The following RBFOX1 variants were observed in gnomAD, a reference collection of about 807,000 sequenced individuals.
The protein encoded by RBFOX1 is RNA binding fox-1 homolog 1.
In RBFOX1, 8 loss-of-function variants were observed where a neutral mutation model predicts 57.7. The ratio of observed to expected loss-of-function variants is 0.14; its 90% CI spans 0.08 to 0.25. The LOEUF is 0.25. Among genes scored for constraint, RBFOX1 ranks in the 10% least tolerant of loss-of-function variants. The pLI, the probability that RBFOX1 is intolerant of heterozygous loss-of-function variation, is 1.00. For missense variants in RBFOX1, 611 were observed against 548.5 expected, an observed-to-expected ratio of 1.11 and a Z score of -1.14; for synonymous variants, 326 against 222.4, an observed-to-expected ratio of 1.47 and a Z score of -4.15.
intron 4 of RBFOX1, among the ~76,000 whole-genome samples, chr16:7,292,093 ATAAT>A (rs1267993420): frequency 5.2e-5 from 4 of 76,290 alleles, no homozygotes; most frequent in Non-Finnish European, 1.0e-4. Context: ...TGTATAATAT[ATAAT>A]ATATCATGTA....
At chr16:7,632,961 C>T (rs2061219692) in intron 11 of RBFOX1, among the ~76,000 whole-genome samples, 1 of 152,156 alleles carries the variant, frequency 6.6e-6, no homozygotes, top group Non-Finnish European at 1.5e-5. Flanking sequence ...ATTGGGGAAG[C>T]ATCTCTCACA....
chr16:5,911,798 G>A (rs1029448811), intron 4 of RBFOX1, among the ~76,000 whole-genome samples: 1 of 152,060 alleles, frequency 6.6e-6, no homozygotes, highest in African/African-American at 2.4e-5. Flanking sequence ...GAGGGGAAGG[G>A]GAGCTCTCTA....
chr16:6,556,068 G>A (rs2153892198), intron 2 of RBFOX1, among the ~76,000 whole-genome samples: 1 of 152,218 alleles, frequency 6.6e-6, no homozygotes, highest in Non-Finnish European at 1.5e-5. Context: ...AAACTCCCAT[G>A]GCCTTCAGAA....
chr16:7,572,731 C>A (rs565624830), intron 5 of RBFOX1, among the ~76,000 whole-genome samples: 4 of 151,784 alleles, frequency 2.6e-5, no homozygotes, highest in Admixed American at 2.6e-4. Flanking sequence ...CACAGCTACT[C>A]GGGAGGCTGA....
At chr16:7,055,535 AAGG>A (rs2051869370) in intron 4 of RBFOX1, among the ~76,000 whole-genome samples, 4 of 152,138 alleles carry the variant, frequency 2.6e-5, no homozygotes, top group Non-Finnish European at 2.9e-5. Flanking sequence ...CATCAGAAGG[AAGG>A]AGAAGAGGAG....
chr16:6,790,517 A>G (rs964174039), intron 3 of RBFOX1, among the ~76,000 whole-genome samples: 2 of 152,022 alleles, frequency 1.3e-5, no homozygotes. Flanking sequence ...TGTTTGCATC[A>G]TAGTTTGCAA....
chr16:6,481,773 C>T (rs919357539), intron 2 of RBFOX1, among the ~76,000 whole-genome samples: 5 of 152,072 alleles, frequency 3.3e-5, no homozygotes, highest in African/African-American at 9.7e-5. Context: ...TAAGGTTTTA[C>T]TTTATGGTTA....
intron 4 of RBFOX1, among the ~76,000 whole-genome samples, chr16:5,939,718 G>A (rs537662737): frequency 1.3e-5 from 2 of 152,294 alleles, no homozygotes; most frequent in African/African-American, 2.4e-5. Context: ...AAAAGTGTCA[G>A]CAAATCTGTG....
intron 2 of RBFOX1, among the ~76,000 whole-genome samples, chr16:6,431,888 G>GCTTTCTTTCTTT (rs1491171814): frequency 7.4e-4 from 81 of 109,898 alleles, no homozygotes; most frequent in African/African-American, 1.8e-3. Flanking sequence ...AAATATGCTT[G>GCTTTCTTTCTTT]CTTGCTTGCT....
chr16:7,015,474 G>A (rs890631437), intron 3 of RBFOX1, among the ~76,000 whole-genome samples: 2 of 152,160 alleles, frequency 1.3e-5, no homozygotes, highest in Non-Finnish European at 2.9e-5. Flanking sequence ...TTGCTCATCA[G>A]TGTTCAGACA....
At chr16:7,270,445 C>T (rs902649732) in intron 4 of RBFOX1, among the ~76,000 whole-genome samples, 1 of 152,156 alleles carries the variant, frequency 6.6e-6, no homozygotes, top group African/African-American at 2.4e-5. Context: ...CGGGCAGATT[C>T]AGACCTTATG....
intron 3 of RBFOX1, among the ~76,000 whole-genome samples, chr16:6,755,467 T>G (rs1217613841): frequency 1.4e-4 from 21 of 152,204 alleles, no homozygotes; most frequent in Admixed American, 1.2e-3. Flanking sequence ...TGGTGAGCAT[T>G]TTTTCATGTG....
At chr16:7,165,831 G>A (rs564371050) in intron 4 of RBFOX1, among the ~76,000 whole-genome samples, 1 of 151,902 alleles carries the variant, frequency 6.6e-6, no homozygotes, top group South Asian at 2.1e-4. Context: ...TGCTAGACCA[G>A]GAATGAAGAG....
At chr16:7,194,553 C>G (rs1602549138) in intron 4 of RBFOX1, among the ~76,000 whole-genome samples, 1 of 152,158 alleles carries the variant, frequency 6.6e-6, no homozygotes, top group Admixed American at 6.5e-5. Context: ...ATTACTAAAA[C>G]TCAATGCCTG....
chr16:5,768,656 A>ATC, intron 3 of RBFOX1, among the ~76,000 whole-genome samples: 1 of 152,264 alleles, frequency 6.6e-6, no homozygotes, highest in East Asian at 1.9e-4. Context: ...TTCCTCTTGC[A>ATC]TCTATTCCAC....
intron 1 of RBFOX1, among the ~76,000 whole-genome samples, chr16:6,065,831 A>G (rs774155927): frequency 6.6e-6 from 1 of 152,142 alleles, no homozygotes; most frequent in African/African-American, 2.4e-5. Flanking sequence ...CTTAGCTAAA[A>G]TCACTTAAAG....
chr16:6,480,888 A>G (rs1397665908), intron 2 of RBFOX1, among the ~76,000 whole-genome samples: 1 of 152,192 alleles, frequency 6.6e-6, no homozygotes, highest in Non-Finnish European at 1.5e-5. Flanking sequence ...TTTCACTGCT[A>G]TATGGTATTC....
rs571685021 is a variant in RBFOX1 at position 7,344,410 on chromosome 16, C to T, written c.28-173737C>T. Among the ~76,000 whole-genome samples the T allele has an allele frequency of 3.5e-4, 52 of 149,110 alleles. 1 individual carries two copies. The highest frequency in any genetic ancestry group is 1.3e-3 in the African/African-American group (52 of 40,816). ...ATAAGATATAATGCAATATATATTT[C>T]AATAATATATGCAATAATATGTATT... On this transcript the variant is annotated intron_variant, in intron 4 of 15. Coordinates refer to ENST00000550418, the MANE Select transcript of RBFOX1 (RefSeq NM_018723.4).
At chr16:7,693,150 A>G (rs936730229) in intron 14 of RBFOX1, among the ~76,000 whole-genome samples, 2 of 152,074 alleles carry the variant, frequency 1.3e-5, no homozygotes, top group Admixed American at 1.3e-4. Flanking sequence ...CCGCATGCTT[A>G]TTTCATGATC....
Sources: allele counts gnomAD v4.1 joint callset (sites outside exome capture counted in the v4.1 genomes callset), GRCh38; gene constraint gnomAD v4.1.1; transcripts MANE v1.5; gene names NCBI Gene and HGNC (gene_info 2026-07-23, HGNC 2026-07-21).